ARHGAP15: variants seen among roughly 807,000 people sequenced by gnomAD.
The protein encoded by ARHGAP15 is Rho GTPase activating protein 15.
A neutral mutation model predicts 63.7 loss-of-function variants in ARHGAP15; 51 were observed. The observed-to-expected ratio is 0.80, with a 90% confidence interval of 0.64 to 1.01. ARHGAP15 has a LOEUF of 1.01. Ranked by LOEUF, ARHGAP15 falls within the 50% of genes least tolerant of loss-of-function variation. ARHGAP15 has a pLI of 0.00. For missense variants in ARHGAP15, 560 were observed against 564.6 expected, an observed-to-expected ratio of 0.99 and a Z score of 0.08; for synonymous variants, 191 against 193.8, an observed-to-expected ratio of 0.99 and a Z score of 0.12.
At chr2:143,539,390 T>A (rs1694938561) in intron 10 of ARHGAP15, among the ~76,000 whole-genome samples, 1 of 152,162 alleles carries the variant, frequency 6.6e-6, no homozygotes, top group South Asian at 2.1e-4. Context: ...TCAGTTCTGC[T>A]CTGATCTTAG....
chr2:143,763,399 T>C (rs1275849564), intron 13 of ARHGAP15, among the ~76,000 whole-genome samples: 1 of 152,094 alleles, frequency 6.6e-6, no homozygotes. Flanking sequence ...GGGGCCTTCT[T>C]TGCTGGAAAT....
At chr2:143,600,312 A>G (rs1029874096) in intron 11 of ARHGAP15, among the ~76,000 whole-genome samples, 6 of 152,162 alleles carry the variant, frequency 3.9e-5, no homozygotes, top group Non-Finnish European at 8.8e-5. Flanking sequence ...TCCATCTTCA[A>G]TAGTTCCTAT....
intron 11 of ARHGAP15, among the ~76,000 whole-genome samples, chr2:143,575,711 G>A (rs1574653958): frequency 6.6e-6 from 1 of 152,212 alleles, no homozygotes; most frequent in Middle Eastern, 3.4e-3. Context: ...GAAAGAATAG[G>A]AAATTTAAAA....
intron 6 of ARHGAP15, among the ~76,000 whole-genome samples, chr2:143,410,770 C>A (rs1292686858): frequency 6.7e-6 from 1 of 148,988 alleles, no homozygotes; most frequent in Non-Finnish European, 1.5e-5. Flanking sequence ...CAGAGAAGGC[C>A]TCAGAAAGGT....
intron 11 of ARHGAP15, among the ~76,000 whole-genome samples, chr2:143,576,753 T>C (rs1696696378): frequency 6.6e-6 from 1 of 152,096 alleles, no homozygotes; most frequent in Non-Finnish European, 1.5e-5. Context: ...CACATTTTAC[T>C]TAACAATTTT....
chr2:143,277,875 A>G (rs1156972660), intron 6 of ARHGAP15, among the ~76,000 whole-genome samples: 1 of 152,124 alleles, frequency 6.6e-6, no homozygotes, highest in Non-Finnish European at 1.5e-5. Flanking sequence ...GAGGAAATTT[A>G]TAGATATAGA....
intron 2 of ARHGAP15, among the ~76,000 whole-genome samples, chr2:143,196,095 G>A (rs1056001610): frequency 2.0e-5 from 3 of 152,014 alleles, no homozygotes; most frequent in African/African-American, 7.2e-5. Flanking sequence ...ATCCTAATAA[G>A]AACAAAGAGG....
At chr2:143,183,559 G>C (rs1242926572) in intron 2 of ARHGAP15, among the ~76,000 whole-genome samples, 3 of 151,962 alleles carry the variant, frequency 2.0e-5, no homozygotes, top group Non-Finnish European at 4.4e-5. Context: ...TATCTAAAAA[G>C]GATAAGATAA....
At chr2:143,431,009 A>G (rs1214096237) in intron 6 of ARHGAP15, among the ~76,000 whole-genome samples, 1 of 152,052 alleles carries the variant, frequency 6.6e-6, no homozygotes, top group Non-Finnish European at 1.5e-5. Flanking sequence ...GATTTGAAGG[A>G]GTTGTAGATA....
At position 143,250,552 on chromosome 2, in the gene ARHGAP15, A is replaced by G; in HGVS notation, c.426A>G (p.Ala142=). The G allele has an allele frequency of 6.2e-7, 1 of 1,613,542 alleles. No individual in the cohort carries two copies. Among genetic ancestry groups the G allele is most frequent in the Non-Finnish European group, 8.5e-7 (1 of 1,179,572 alleles). Residue 142 remains alanine (A), a synonymous_variant, in exon 6 of 14, where the codon GCA becomes GCG. Transcript: ENST00000295095. ...CAGAAAGTGTGGATTTGTGTGGAGC[A>G]CACATTGAATGGGCCAAGGAAAAAT... ...HKPESVDLCG[A]HIEWAKEKSS... is the part of the protein sequence containing the mutation.
In ARHGAP15 at chr2:143,178,004, C is replaced by T. The variant is rs143095711; in HGVS notation, c.165+22349C>T. Among the ~76,000 whole-genome samples, 965 of 152,116 alleles carry T rather than the reference C, an allele frequency of 6.3e-3. 7 individuals carry two copies. The highest frequency in any genetic ancestry group is 0.022 in the African/African-American group (927 of 41,488). ...AAGCTAAATGTTGATAGTTGTAACC[C>T]ACATTAACAAGGTCTTTAAGGAATT... On this transcript the variant is annotated intron_variant, in intron 2 of 13. Transcript: ENST00000295095.
chr2:143,634,229 C>T (rs186960758), intron 12 of ARHGAP15, among the ~76,000 whole-genome samples: 14 of 152,090 alleles, frequency 9.2e-5, no homozygotes, highest in South Asian at 4.2e-4. Context: ...ATCTGTCTAC[C>T]GAACACACTC....
At chr2:143,195,286 T>A (rs1302183780) in intron 2 of ARHGAP15, among the ~76,000 whole-genome samples, 1 of 152,124 alleles carries the variant, frequency 6.6e-6, no homozygotes, top group Non-Finnish European at 1.5e-5. Context: ...TGTGGGCAGA[T>A]GGAGGAAAGT....
chr2:143,306,691 C>T (rs1283874891), intron 6 of ARHGAP15, among the ~76,000 whole-genome samples: 1 of 152,072 alleles, frequency 6.6e-6, no homozygotes, highest in Non-Finnish European at 1.5e-5. Context: ...ATCCAGACCT[C>T]CATTTAATTC....
At chr2:143,661,632 C>T (rs544887697) in intron 12 of ARHGAP15, among the ~76,000 whole-genome samples, 52 of 152,226 alleles carry the variant, frequency 3.4e-4, no homozygotes, top group Middle Eastern at 3.4e-3. Flanking sequence ...ACGCAGAAGA[C>T]GGGTGATTTC....
At chr2:143,152,250 C>T (rs148258510) in intron 1 of ARHGAP15, among the ~76,000 whole-genome samples, 2 of 152,078 alleles carry the variant, frequency 1.3e-5, no homozygotes, top group East Asian at 3.9e-4. Context: ...TTCGAACTTC[C>T]CTGGTACTTT....
At chr2:143,606,861 G>A (rs983250626) in intron 11 of ARHGAP15, 3 of 152,108 alleles carry the variant, frequency 2.0e-5, no homozygotes, top group Admixed American at 2.0e-4. Context: ...TGCCTCTTCT[G>A]AATGGGTATG....
intron 6 of ARHGAP15, among the ~76,000 whole-genome samples, chr2:143,413,098 TGTC>T (rs1334467759): frequency 6.6e-6 from 1 of 152,230 alleles, no homozygotes; most frequent in East Asian, 1.9e-4. Flanking sequence ...CTCTATTTGT[TGTC>T]AATTGTTTAT....
intron 6 of ARHGAP15, among the ~76,000 whole-genome samples, chr2:143,422,600 C>A (rs886590616): frequency 2.0e-5 from 3 of 152,110 alleles, no homozygotes; most frequent in Non-Finnish European, 4.4e-5. Flanking sequence ...TGGATGATTG[C>A]TGAATACACT....
Sources: allele counts gnomAD v4.1 joint callset (sites outside exome capture counted in the v4.1 genomes callset), GRCh38; gene constraint gnomAD v4.1.1; transcripts MANE v1.5; gene names NCBI Gene and HGNC (gene_info 2026-07-23, HGNC 2026-07-21).